The following SHISA9 variants were observed in gnomAD, a reference collection of about 807,000 sequenced individuals.
The protein encoded by SHISA9 is shisa family member 9.
In SHISA9, 13 loss-of-function variants were observed where a neutral mutation model predicts 38.0. The ratio of observed to expected loss-of-function variants is 0.34; its 90% CI spans 0.22 to 0.54. The LOEUF (loss-of-function observed/expected upper bound fraction) is 0.54, where lower values mean the gene tolerates loss of function less well. Ranked by LOEUF, SHISA9 falls within the 20% of genes least tolerant of loss-of-function variation. The pLI, the probability that SHISA9 is intolerant of heterozygous loss-of-function variation, is 0.91. For synonymous variants in SHISA9, 275 were observed against 242.0 expected, an observed-to-expected ratio of 1.14 and a Z score of -1.27; for missense variants, 538 against 575.8, an observed-to-expected ratio of 0.93 and a Z score of 0.67.
At chr16:13,269,504 C>G in the SHISA9 span, among the ~76,000 whole-genome samples, 1 of 152,210 alleles carries the variant, frequency 6.6e-6, no homozygotes, top group Non-Finnish European at 1.5e-5. Context: ...CCTCTATGGT[C>G]TCTTAACAGT....
the SHISA9 span, among the ~76,000 whole-genome samples, chr16:13,354,864 G>A: frequency 6.6e-6 from 1 of 152,140 alleles, no homozygotes; most frequent in African/African-American, 2.4e-5. Flanking sequence ...TGAGAATTAT[G>A]GCGAGATAGG....
At chr16:13,303,740 T>C in the SHISA9 span, among the ~76,000 whole-genome samples, 1 of 152,218 alleles carries the variant, frequency 6.6e-6, no homozygotes, top group Admixed American at 6.5e-5. Flanking sequence ...GTGGTTAATT[T>C]TGCTATATGC....
At chr16:13,523,533 G>T in the SHISA9 span, among the ~76,000 whole-genome samples, 2 of 152,094 alleles carry the variant, frequency 1.3e-5, no homozygotes, top group African/African-American at 4.8e-5. Context: ...ATCTGCTTCT[G>T]GGGAGGCCTC....
chr16:13,551,776 C>T, the SHISA9 span, among the ~76,000 whole-genome samples: 1 of 152,180 alleles, frequency 6.6e-6, no homozygotes, highest in African/African-American at 2.4e-5. Flanking sequence ...TGCCTGTAAT[C>T]CCAGCACTTT....
intron 2 of SHISA9, among the ~76,000 whole-genome samples, chr16:13,077,127 G>A: frequency 6.6e-6 from 1 of 152,172 alleles, no homozygotes; most frequent in Non-Finnish European, 1.5e-5. Context: ...CCAGGACTAA[G>A]ATCATTATTC....
chr16:13,224,822 T>A (rs1411385996), intron 4 of SHISA9, among the ~76,000 whole-genome samples: 1 of 152,162 alleles, frequency 6.6e-6, no homozygotes, highest in African/African-American at 2.4e-5. Flanking sequence ...CAGGTCCAGA[T>A]GACAAGTAGT....
At chr16:13,189,836 A>G (rs1385270996) in intron 2 of SHISA9, among the ~76,000 whole-genome samples, 8 of 152,212 alleles carry the variant, frequency 5.3e-5, no homozygotes, top group Non-Finnish European at 1.2e-4. Flanking sequence ...TAGAACTGCG[A>G]GTAAAGAAGG....
the SHISA9 span, among the ~76,000 whole-genome samples, chr16:13,438,425 C>A: frequency 6.6e-6 from 1 of 152,166 alleles, no homozygotes; most frequent in Non-Finnish European, 1.5e-5. Context: ...CAGTAGCTAG[C>A]ACACTCTTAC....
At chr16:12,925,209 A>G (rs1447296322) in intron 2 of SHISA9, among the ~76,000 whole-genome samples, 1 of 152,000 alleles carries the variant, frequency 6.6e-6, no homozygotes, top group Non-Finnish European at 1.5e-5. Flanking sequence ...TGCAGATGAG[A>G]AATGAAGAAA....
intron 2 of SHISA9, among the ~76,000 whole-genome samples, chr16:13,140,092 T>G (rs1439227426): frequency 4.9e-5 from 1 of 20,286 alleles, no homozygotes; most frequent in East Asian, 2.6e-3. Context: ...TTCTCTTCCC[T>G]TCCCTTCCCT....
chr16:13,071,516 A>ATTCCT (rs1218300416), intron 2 of SHISA9, among the ~76,000 whole-genome samples: 7 of 146,286 alleles, frequency 4.8e-5, no homozygotes, highest in South Asian at 2.1e-4. Context: ...TTTCCATTCC[A>ATTCCT]TTCCTTTCCT....
intron 2 of SHISA9, among the ~76,000 whole-genome samples, chr16:13,024,247 C>T (rs908705327): frequency 1.3e-5 from 2 of 152,216 alleles, no homozygotes; most frequent in Non-Finnish European, 2.9e-5. Flanking sequence ...TTTGCATGGC[C>T]TCTTACTGGC....
chr16:13,394,777 A>C, the SHISA9 span, among the ~76,000 whole-genome samples: 1 of 152,162 alleles, frequency 6.6e-6, no homozygotes, highest in Admixed American at 6.5e-5. Context: ...ATTTGTATTT[A>C]ATTGCTGTAG....
intron 2 of SHISA9, among the ~76,000 whole-genome samples, chr16:13,070,520 C>G (rs1259705875): frequency 6.6e-6 from 1 of 152,206 alleles, no homozygotes; most frequent in East Asian, 1.9e-4. Context: ...TGTGCCGTGG[C>G]TGCTAGGGCT....
intron 2 of SHISA9, among the ~76,000 whole-genome samples, chr16:13,060,637 CAAAAAAAAAAAA>C (rs5815739): frequency 2.3e-5 from 2 of 86,560 alleles, no homozygotes; most frequent in East Asian, 6.1e-4. Flanking sequence ...GACCCCATCT[CAAAAAAAAAAAA>C]AAAAAAAAAA....
the SHISA9 span, among the ~76,000 whole-genome samples, chr16:13,399,014 A>G: frequency 6.6e-6 from 1 of 152,152 alleles, no homozygotes; most frequent in Non-Finnish European, 1.5e-5. Context: ...TCAACACTTT[A>G]GGAGGCTGAG....
At position 13,103,987 on chromosome 16, in the gene SHISA9, G is replaced by A. The variant is rs899967043; in HGVS notation, c.692-99407G>A. Among the ~76,000 whole-genome samples the A allele has an allele frequency of 2.5e-4, 38 of 152,090 alleles. 1 individual carries two copies. Among genetic ancestry groups the A allele is most frequent in the African/African-American group, 7.7e-4 (32 of 41,420 alleles). On this transcript the variant is annotated intron_variant, in intron 2 of 4. Coordinates refer to ENST00000558583, the MANE Select transcript of SHISA9 (RefSeq NM_001145204.3). ...CTTGGGCTTTGTTCTAGAGTCCTAC[G>A]AAAACACAGCCATTAGTTTCTCCAT...
chr16:13,110,734 C>T (rs1309884022), intron 2 of SHISA9, among the ~76,000 whole-genome samples: 1 of 152,154 alleles, frequency 6.6e-6, no homozygotes, highest in African/African-American at 2.4e-5. Flanking sequence ...GACACATGGC[C>T]TCATTTATCC....
chr16:13,326,272 A>G, the SHISA9 span, among the ~76,000 whole-genome samples: 508 of 152,266 alleles, frequency 3.3e-3, 5 homozygotes, highest in African/African-American at 0.012. Context: ...CATCCTCATG[A>G]GCCCACTAAG....
Sources: allele counts gnomAD v4.1 joint callset (sites outside exome capture counted in the v4.1 genomes callset), GRCh38; gene constraint gnomAD v4.1.1; transcripts MANE v1.5; gene names NCBI Gene and HGNC (gene_info 2026-07-23, HGNC 2026-07-21).